CDH13: variants seen among roughly 807,000 people sequenced by gnomAD.
CDH13 encodes the protein cadherin-13.
A neutral mutation model predicts 63.8 loss-of-function variants in CDH13; 24 were observed. The ratio of observed to expected loss-of-function variants is 0.38; its 90% CI spans 0.27 to 0.53. The LOEUF is 0.53. Ranked by LOEUF, CDH13 falls within the 20% of genes least tolerant of loss-of-function variation. CDH13 has a pLI of 0.85. For missense variants in CDH13, 1,049 were observed against 903.1 expected (o/e 1.16, Z -2.07); for synonymous variants, 503 against 355.3 (o/e 1.42, Z -4.67).
chr16:83,083,420 A>G (rs533947968), intron 3 of CDH13, among the ~76,000 whole-genome samples: 1 of 152,340 alleles, frequency 6.6e-6, no homozygotes, highest in South Asian at 2.1e-4. Flanking sequence ...CACAATTCCA[A>G]TCTGTGTAGT....
intron 4 of CDH13, among the ~76,000 whole-genome samples, chr16:83,126,744 A>G (rs943848001): frequency 6.6e-6 from 1 of 152,228 alleles, no homozygotes; most frequent in African/African-American, 2.4e-5. Context: ...GGTTGGTTAA[A>G]TGAATGATCT....
At chr16:82,874,607 A>T (rs548505252) in intron 2 of CDH13, among the ~76,000 whole-genome samples, 3 of 152,342 alleles carry the variant, frequency 2.0e-5, no homozygotes, top group East Asian at 3.9e-4. Context: ...TTAAATTTTC[A>T]TATGTATACA....
chr16:83,204,727 C>T (rs1274354195), intron 4 of CDH13, among the ~76,000 whole-genome samples: 1 of 152,038 alleles, frequency 6.6e-6, no homozygotes, highest in Non-Finnish European at 1.5e-5. Flanking sequence ...TTCAGTTGAT[C>T]AAAAAAACAA....
intron 8 of CDH13, among the ~76,000 whole-genome samples, chr16:83,607,476 A>G (rs1357640662): frequency 1.3e-5 from 2 of 152,180 alleles, no homozygotes; most frequent in African/African-American, 2.4e-5. Flanking sequence ...TTCATTTACA[A>G]TGACTATACA....
At chr16:83,286,080 C>T (rs2089305311) in intron 5 of CDH13, among the ~76,000 whole-genome samples, 1 of 152,130 alleles carries the variant, frequency 6.6e-6, no homozygotes, top group South Asian at 2.1e-4. Context: ...TTTGTTCCTC[C>T]TCCTTGTCTG....
intron 2 of CDH13, among the ~76,000 whole-genome samples, chr16:82,952,920 T>C (rs557444661): frequency 6.6e-6 from 1 of 152,330 alleles, no homozygotes; most frequent in Non-Finnish European, 1.5e-5. Context: ...TGCCAGGTGC[T>C]CTGACAAAGG....
intron 7 of CDH13, among the ~76,000 whole-genome samples, chr16:83,573,346 G>C (rs890533840): frequency 6.6e-6 from 1 of 152,152 alleles, no homozygotes; most frequent in African/African-American, 2.4e-5. Flanking sequence ...TCACCATTCA[G>C]TGGTGGGTCA....
At chr16:82,633,744 T>C (rs1315827558) in intron 1 of CDH13, among the ~76,000 whole-genome samples, 2 of 152,200 alleles carry the variant, frequency 1.3e-5, no homozygotes, top group Non-Finnish European at 2.9e-5. Flanking sequence ...GATGTTTTTA[T>C]ATCTGTTTTA....
intron 1 of CDH13, among the ~76,000 whole-genome samples, chr16:82,676,953 A>G (rs1256159322): frequency 1.3e-5 from 2 of 152,132 alleles, no homozygotes; most frequent in East Asian, 1.9e-4. Flanking sequence ...GCGCAAGCTC[A>G]GCTCGCTGCA....
intron 6 of CDH13, among the ~76,000 whole-genome samples, chr16:83,357,648 G>A (rs539214951): frequency 1.3e-5 from 2 of 152,152 alleles, no homozygotes; most frequent in Non-Finnish European, 2.9e-5. Flanking sequence ...GCGGGCCAAG[G>A]TCAAGGACTG....
chr16:83,726,937 G>C (rs968337001), intron 10 of CDH13, among the ~76,000 whole-genome samples: 1 of 151,936 alleles, frequency 6.6e-6, no homozygotes, highest in Non-Finnish European at 1.5e-5. Context: ...GCCTTGTTTT[G>C]TTCTGTTTTA....
intron 2 of CDH13, among the ~76,000 whole-genome samples, chr16:82,888,376 A>G (rs189659811): frequency 6.6e-6 from 1 of 152,298 alleles, no homozygotes; most frequent in African/African-American, 2.4e-5. Context: ...GACTGTCATC[A>G]AGTTCTTCTT....
chr16:82,834,742 G>A (rs772573489), intron 1 of CDH13, among the ~76,000 whole-genome samples: 2 of 152,290 alleles, frequency 1.3e-5, no homozygotes, highest in Non-Finnish European at 2.9e-5. Context: ...GATATTCACT[G>A]GAGATTTTGC....
intron 10 of CDH13, 77 bp downstream of exon 10, chr16:83,678,538 G>T (rs1915151492): frequency 1.3e-6 from 2 of 1,540,736 alleles, no homozygotes; most frequent in Admixed American, 1.8e-5. Flanking sequence ...GAAGCTGGTT[G>T]TCAGGAGCAG....
intron 1 of CDH13, among the ~76,000 whole-genome samples, chr16:82,799,652 A>G (rs571888945): frequency 8.5e-5 from 13 of 152,260 alleles, no homozygotes; most frequent in Non-Finnish European, 1.8e-4. Context: ...GGTTCAGCAC[A>G]TTTTCTCATA....
chr16:82,745,005 G>A (rs2034097423), intron 1 of CDH13, among the ~76,000 whole-genome samples: 1 of 152,136 alleles, frequency 6.6e-6, no homozygotes, highest in Non-Finnish European at 1.5e-5. Context: ...TACGGAGAGC[G>A]GTGAATTTTG....
At chr16:83,191,914 C>T (rs1490468756) in intron 4 of CDH13, among the ~76,000 whole-genome samples, 1 of 151,970 alleles carries the variant, frequency 6.6e-6, no homozygotes, top group Middle Eastern at 3.2e-3. Flanking sequence ...CACCCAGGAT[C>T]AATACTTTGC....
At chr16:83,108,057 G>A (rs778747372) in intron 3 of CDH13, among the ~76,000 whole-genome samples, 3 of 152,152 alleles carry the variant, frequency 2.0e-5, no homozygotes, top group Admixed American at 1.3e-4. Flanking sequence ...CCCTGACCTC[G>A]TGATCCACCC....
chr16:83,704,549 A>T (rs1434423566), intron 10 of CDH13, among the ~76,000 whole-genome samples: 1 of 152,160 alleles, frequency 6.6e-6, no homozygotes, highest in Admixed American at 6.5e-5. Context: ...CCATTGTGAG[A>T]TATAGTCTGC....
Sources: allele counts gnomAD v4.1 joint callset (sites outside exome capture counted in the v4.1 genomes callset), GRCh38; gene constraint gnomAD v4.1.1; transcripts MANE v1.5; gene names NCBI Gene and HGNC (gene_info 2026-07-23, HGNC 2026-07-21).